Variants in MAP3K3 observed in about 807,000 individuals in gnomAD.
MAP3K3 encodes the protein mitogen-activated protein kinase kinase kinase 3, also known as MAP/ERK kinase kinase 3.
MAP3K3 carries 12 observed loss-of-function variants against 80.9 expected under a neutral mutation model. The ratio of observed to expected loss-of-function variants is 0.15; its 90% CI spans 0.10 to 0.24. The LOEUF is 0.24. Among genes scored for constraint, MAP3K3 ranks in the 10% least tolerant of loss-of-function variants. The pLI is 1.00. For missense variants in MAP3K3, 596 were observed against 834.7 expected, an observed-to-expected ratio of 0.71 and a Z score of 3.52; for synonymous variants, 272 against 307.1, an observed-to-expected ratio of 0.89 and a Z score of 1.19.
At chr17:63,629,294 T>A (rs1290405351) in intron 1 of MAP3K3, among the ~76,000 whole-genome samples, 1 of 152,136 alleles carries the variant, frequency 6.6e-6, no homozygotes, top group Non-Finnish European at 1.5e-5. Flanking sequence ...AGTTAATTTT[T>A]TTGTATTTTT....
At chr17:63,650,553 G>A (rs1046221715) in intron 3 of MAP3K3, among the ~76,000 whole-genome samples, 8 of 151,684 alleles carry the variant, frequency 5.3e-5, no homozygotes, top group Non-Finnish European at 8.8e-5. Context: ...TCCACCCACC[G>A]CAGCCTCCCA....
intron 8 of MAP3K3, 31 bp downstream of exon 8, chr17:63,685,621 T>A: frequency 1.3e-6 from 2 of 1,588,980 alleles, no homozygotes; most frequent in South Asian, 1.1e-5. Flanking sequence ...TGGAGGGTAA[T>A]GCATAGGCAT....
rs141438505 is a variant in MAP3K3, at chr17:63,666,955, C to T, written c.397C>T (p.His133Tyr). 3.5e-5 allele frequency: 56 copies of T among 1,613,206 alleles called. No individual in the cohort carries two copies. The African/African-American group carries it at 7.1e-4, about 20-fold the overall frequency. Residue 133 changes from histidine to tyrosine, a missense_variant, in exon 6 of 16, where the codon CAC becomes TAC. By Grantham distance (83) the His-to-Tyr change is moderately conservative (BLOSUM62 2). This residue lies in a region of MAP3K3 where 232 missense variants were observed against 245.8 expected (regional missense o/e 0.94). Coordinates refer to ENST00000361733, the MANE Select transcript of MAP3K3 (RefSeq NM_002401.5). ...TCTTTTACAGAACAGTTCCTCTCCC[C>T]ACTCTGGGGTGTCCAGACAGGTGCG... ...QDRNHNSSSP[H>Y]SGVSRQVRIK... is the part of the protein sequence containing the mutation.
At chr17:63,678,706 T>C (rs1292787554) in intron 6 of MAP3K3, among the ~76,000 whole-genome samples, 1 of 152,244 alleles carries the variant, frequency 6.6e-6, no homozygotes, top group South Asian at 2.1e-4. Flanking sequence ...CCATATGTTC[T>C]GAACAACTGA....
intron 6 of MAP3K3, among the ~76,000 whole-genome samples, chr17:63,681,138 T>C (rs2143553817): frequency 6.7e-6 from 1 of 148,926 alleles, no homozygotes; most frequent in South Asian, 2.1e-4. Context: ...AAAGGTAATA[T>C]CATTACTCAT....
At chr17:63,651,345 T>C (rs551944344) in intron 3 of MAP3K3, among the ~76,000 whole-genome samples, 4 of 152,234 alleles carry the variant, frequency 2.6e-5, no homozygotes, top group African/African-American at 9.6e-5. Flanking sequence ...AGTCGGTGCA[T>C]GCCAGTAGTC....
chr17:63,673,540 C>T (rs562739332), intron 6 of MAP3K3, among the ~76,000 whole-genome samples: 4 of 152,274 alleles, frequency 2.6e-5, no homozygotes, highest in African/African-American at 9.6e-5. Context: ...GAAATTCTAC[C>T]TACCTTTGAA....
chr17:63,637,018 G>A, intron 2 of MAP3K3: 1 of 587,830 alleles, frequency 1.7e-6, no homozygotes, highest in Non-Finnish European at 3.2e-6. Flanking sequence ...GTGTGGTGGG[G>A]GACGACAAGG....
At chr17:63,662,650 A>ATTTTTTT (rs1192833142) in intron 5 of MAP3K3, among the ~76,000 whole-genome samples, 27 of 82,580 alleles carry the variant, frequency 3.3e-4, no homozygotes, top group Admixed American at 4.3e-4. Flanking sequence ...AGAAGAGGGA[A>ATTTTTTT]TTTTTTTTTT....
At chr17:63,663,636 T>G (rs920115955) in intron 5 of MAP3K3, among the ~76,000 whole-genome samples, 1 of 152,204 alleles carries the variant, frequency 6.6e-6, no homozygotes, top group African/African-American at 2.4e-5. Flanking sequence ...TTGGATGAAC[T>G]CCTTGAATAT....
In MAP3K3 at chr17:63,622,745, G is replaced by C; in HGVS notation, c.-15G>C. 1 of 521,570 alleles carries C rather than the reference G, an allele frequency of 1.9e-6. No homozygotes were observed. 32.3% of individuals were successfully genotyped at this position (521,570 alleles called of 1,614,324 possible). On this transcript the variant is annotated 5_prime_UTR_variant, in exon 1 of 16. Coordinates refer to ENST00000361733, the MANE Select transcript of MAP3K3 (RefSeq NM_002401.5). ...ACACTCACGGACCTTAGCCACCGCCGCCGCCATCGCCACCATGGGTAAGTG... is the reference window on the plus strand; with the variant it reads ...ACACTCACGGACCTTAGCCACCGCCCCCGCCATCGCCACCATGGGTAAGTG...
chr17:63,662,650 A>ATTTTTTTTTTT (rs1192833142), intron 5 of MAP3K3, among the ~76,000 whole-genome samples: 3 of 82,566 alleles, frequency 3.6e-5, no homozygotes, highest in African/African-American at 5.9e-5. Flanking sequence ...AGAAGAGGGA[A>ATTTTTTTTTTT]TTTTTTTTTT....
Position 63,691,875 on chromosome 17 carries a change from A to G in MAP3K3, c.1474+13A>G, listed in dbSNP as rs745437961. The G allele has an allele frequency of 7.4e-6, 12 of 1,613,090 alleles. No individual in the cohort carries two copies. The highest frequency in any genetic ancestry group is 1.7e-4 in the Middle Eastern group (1 of 6,060). ...CGGGACATTAAGGGTGAGCAGGGCC[A>G]GGATACATGGAGTCCCCAGGACCTG... is the stretch of plus-strand genomic sequence containing the variant. On this transcript the variant is annotated intron_variant, in intron 14 of 15. Coordinates refer to ENST00000361733, the MANE Select transcript of MAP3K3 (RefSeq NM_002401.5). This position sits in a 1 kb window ranked among gnomAD's most constrained non-coding sequence, Gnocchi z 4.8.
chr17:63,661,451 T>C (rs1175342560), intron 5 of MAP3K3, among the ~76,000 whole-genome samples: 1 of 152,276 alleles, frequency 6.6e-6, no homozygotes, highest in African/African-American at 2.4e-5. Flanking sequence ...GCCTCTGCTT[T>C]GGACCACCAA....
intron 11 of MAP3K3, 134 bp from the exon 12 acceptor site, chr17:63,690,130 T>G: frequency 2.0e-5 from 20 of 1,003,060 alleles, no homozygotes; most frequent in South Asian, 3.1e-5. Context: ...CAGATTGTGG[T>G]GGAGATGCTC....
At position 63,687,187 on chromosome 17, in the gene MAP3K3, G is replaced by A. The variant is rs552649773; in HGVS notation, c.711-1340G>A. 7.0e-5 allele frequency among the ~76,000 whole-genome samples: 10 copies of A among 142,796 alleles called. No homozygotes were observed. In the South Asian group the frequency reaches 2.0e-3, roughly 28 times the overall value. The allele number at this position is 142,796 out of a possible 152,430, so 93.7% of individuals were successfully genotyped here. ...TTGAGACCAGCCTGACCAGCATAGC[G>A]AAACCCCGTCTCTACTAAAAATGAA... On this transcript the variant is annotated intron_variant, in intron 8 of 15. Transcript: ENST00000361733.
intron 6 of MAP3K3, among the ~76,000 whole-genome samples, chr17:63,680,163 A>G (rs1449007748): frequency 6.6e-6 from 1 of 152,250 alleles, no homozygotes; most frequent in Non-Finnish European, 1.5e-5. Context: ...ACCTAGTGCT[A>G]CAGCCCCTGA....
chr17:63,648,235 T>C (rs2034578404), intron 3 of MAP3K3, among the ~76,000 whole-genome samples: 1 of 152,214 alleles, frequency 6.6e-6, no homozygotes, highest in South Asian at 2.1e-4. Flanking sequence ...CTTTTGTGGG[T>C]TTTGAATGGC....
chr17:63,648,886 A>G (rs2034593053), intron 3 of MAP3K3, among the ~76,000 whole-genome samples: 1 of 152,218 alleles, frequency 6.6e-6, no homozygotes, highest in Non-Finnish European at 1.5e-5. Flanking sequence ...GGTTAGCAGT[A>G]TAATTTCCAA....
Sources: gnomAD v4.1 joint callset for allele counts (sites outside exome capture counted in the v4.1 genomes callset) on GRCh38, gnomAD v4.1.1 for gene constraint, gnomAD v4.1.1 regional missense constraint, Gnocchi (gnomAD v3.1) non-coding constraint, MANE v1.5 for transcripts, NCBI Gene and HGNC (gene_info 2026-07-23, HGNC 2026-07-21) for gene names.